Variants in EIF3M observed in about 807,000 individuals in gnomAD.
EIF3M encodes the protein eukaryotic translation initiation factor 3 subunit M.
Under a neutral mutation model 49.7 loss-of-function variants are expected in EIF3M, and 25 were observed. The ratio of observed to expected loss-of-function variants is 0.50; its 90% confidence interval spans 0.37 to 0.70. The LOEUF (loss-of-function observed/expected upper bound fraction) is 0.70. Among genes scored for constraint, EIF3M ranks in the 30% least tolerant of loss-of-function variants. The pLI is 0.00. For synonymous variants in EIF3M, 156 were observed against 149.8 expected (o/e 1.04, Z -0.30); for missense variants, 350 against 440.0 (o/e 0.80, Z 1.83).
In EIF3M at chr11:32,604,487, T is replaced by G. The variant is rs907720880; in HGVS notation, c.*2088T>G. 6.6e-6 allele frequency: 1 copy of G among 152,212 alleles called. No individual in the cohort carries two copies. The highest frequency in any genetic ancestry group is 2.4e-5 in the African/African-American group (1 of 41,446). 9.4% of individuals were successfully genotyped at this position (152,212 alleles called of 1,614,324 possible). A position where few individuals can be genotyped will look rare whatever the true frequency, so the allele number is the denominator to read the frequency against. On this transcript the variant is annotated 3_prime_UTR_variant, in exon 11 of 11. Transcript: ENST00000531120. ...AGAATTACATTAAAATCACCCAAGA[T>G]CCCAACCACCATTAAAGAGTTTGTG...
chr11:32,585,047 G>A (rs1053656513), intron 1 of EIF3M, among the ~76,000 whole-genome samples: 1 of 152,134 alleles, frequency 6.6e-6, no homozygotes, highest in African/African-American at 2.4e-5. Context: ...AAGTTTACTT[G>A]TCTAAGACAA....
chr11:32,602,515 A>C lies in EIF3M; in HGVS notation c.*116A>C. 8.1e-7 allele frequency: 1 copy of C among 1,227,462 alleles called. No homozygotes were observed. 76.0% of individuals were successfully genotyped at this position (1,227,462 alleles called of 1,614,324 possible). A position where few individuals can be genotyped will look rare whatever the true frequency, so the allele number is the denominator to read the frequency against. ...AGTTATTGTCTCAAATTTATACTAA[A>C]ATCACAAACTCCAGAGGATATGAAG... On this transcript the variant is annotated 3_prime_UTR_variant, in exon 11 of 11. Coordinates refer to ENST00000531120, the MANE Select transcript of EIF3M (RefSeq NM_006360.6).
At chr11:32,594,146 G>C in intron 6 of EIF3M, 197 bp downstream of exon 6, 1 of 376,266 alleles carries the variant, frequency 2.7e-6, no homozygotes, top group Admixed American at 4.6e-5. Flanking sequence ...TGAATATGAA[G>C]TAGCTGCATG....
chr11:32,602,964 C>T lies in EIF3M; in HGVS notation c.*565C>T, dbSNP rs1855294787. On this transcript the variant is annotated 3_prime_UTR_variant, in exon 11 of 11. Coordinates refer to ENST00000531120, the MANE Select transcript of EIF3M (RefSeq NM_006360.6). The stretch of plus-strand genomic sequence containing the variant: ...CATCACCAGAAGTATTTTTAGTCGT[C>T]TTGATTGCCTGCAAATGGCTTTGTA... 1 of 1,613,420 alleles carries T rather than the reference C, an allele frequency of 6.2e-7. No homozygotes were observed.
intron 1 of EIF3M, 63 bp downstream of exon 1, chr11:32,583,992 C>T (rs977510805): frequency 1.2e-6 from 2 of 1,600,708 alleles, no homozygotes; most frequent in Non-Finnish European, 1.7e-6. Flanking sequence ...GCGCAAGGGA[C>T]CGCTGCCGAG....
At chr11:32,593,325 TG>T (rs1467981138) in intron 5 of EIF3M, among the ~76,000 whole-genome samples, 1 of 152,252 alleles carries the variant, frequency 6.6e-6, no homozygotes, top group Non-Finnish European at 1.5e-5. Flanking sequence ...TGTATATAAC[TG>T]TAAGAATAAT....
chr11:32,600,831 C>T lies in EIF3M; in HGVS notation c.942C>T (p.Asp314=), dbSNP rs773821094. ...GADDVEAFVI[D]AVRTKMVYCK... is the part of the protein sequence containing the mutation. Reference sequence around the variant, plus strand: ...ATGATGTTGAAGCATTTGTTATTGACGGTAAGGCAGACAGAACATTTTCAT... The same window carrying T: ...ATGATGTTGAAGCATTTGTTATTGATGGTAAGGCAGACAGAACATTTTCAT... Residue 314 remains aspartate (D), a splice_region_variant and synonymous_variant, in exon 9 of 11, where the codon GAC becomes GAT. Transcript: ENST00000531120. The T allele has an allele frequency of 1.0e-5, 16 of 1,598,814 alleles. No individual in the cohort carries two copies. The highest frequency in any genetic ancestry group is 1.7e-5 in the Admixed American group (1 of 57,444).
intron 5 of EIF3M, among the ~76,000 whole-genome samples, chr11:32,590,714 G>C (rs562095474): frequency 2.6e-4 from 39 of 152,210 alleles, no homozygotes; most frequent in African/African-American, 9.4e-4. Flanking sequence ...TTCTTCTTTA[G>C]AACACATAAA....
In EIF3M at chr11:32,600,675, A is replaced by G. The variant is rs780809253; in HGVS notation, c.800-14A>G. On this transcript the variant is annotated splice_polypyrimidine_tract_variant and intron_variant, in intron 8 of 10. Transcript: ENST00000531120. The stretch of plus-strand genomic sequence containing the variant: ...GTATGAACACTCATCAGGCTTCACT[A>G]TTCTGTTTTCTAGGCCTGTTACATG... 38 of 1,598,854 alleles carry G rather than the reference A, an allele frequency of 2.4e-5. No individual in the cohort carries two copies. In the East Asian group the frequency reaches 7.0e-4, roughly 29 times the overall value.
intron 8 of EIF3M, among the ~76,000 whole-genome samples, chr11:32,597,348 A>C (rs1178644166): frequency 6.6e-6 from 1 of 151,672 alleles, no homozygotes; most frequent in East Asian, 1.9e-4. Context: ...CCCCCCTACT[A>C]TACTATTTTA....
intron 10 of EIF3M, 136 bp from the exon 11 acceptor site, chr11:32,602,143 A>C: frequency 7.8e-7 from 1 of 1,275,608 alleles, no homozygotes; most frequent in South Asian, 1.4e-5. Flanking sequence ...TAATTATGTA[A>C]TTCTTAAATT....
intron 5 of EIF3M, 43 bp downstream of exon 5, chr11:32,589,684 A>T (rs1855063957): frequency 2.6e-6 from 4 of 1,563,954 alleles, no homozygotes; most frequent in Middle Eastern, 3.9e-4. Flanking sequence ...AACAGACAGT[A>T]TAAGTAGGTG....
rs551688777 is a variant in EIF3M, at chr11:32,587,048, G to A, written c.79G>A (p.Ala27Thr). 42 of 1,612,640 alleles carry A rather than the reference G, an allele frequency of 2.6e-5. 1 individual carries two copies. In the South Asian group the frequency reaches 3.8e-4, roughly 15 times the overall value. ...TCGTGCTTATCTGAAATCTAAAGGA[G>A]CTGAGATTTCAGAAGAGAACTCGGA... ...ELRAYLKSKG[A>T]EISEENSEGG... is the part of the protein sequence containing the mutation. Residue 27 changes from alanine (A) to threonine (T), a missense_variant, in exon 2 of 11, where the codon GCT becomes ACT. Transcript: ENST00000531120.
intron 9 of EIF3M, 119 bp from the exon 10 acceptor site, chr11:32,601,643 A>G (rs1441736073): frequency 9.0e-6 from 8 of 886,274 alleles, no homozygotes; most frequent in African/African-American, 5.1e-5. Context: ...TAAACAGTGT[A>G]TAATGTTGGA....
chr11:32,596,183 C>A, intron 8 of EIF3M, 136 bp downstream of exon 8: 2 of 593,898 alleles, frequency 3.4e-6, no homozygotes, highest in East Asian at 3.1e-5. Context: ...TATGATAGAA[C>A]AGCACAAAAA....
At position 32,583,873 on chromosome 11, in the gene EIF3M, G is replaced by C. The variant is rs767007455; in HGVS notation, c.-15G>C. ...GTCTTGCGAGTGGAGTGTCCGCTGTGCCCGGGCCTGCACCATGAGCGTCCC... is the reference window on the plus strand; with the variant it reads ...GTCTTGCGAGTGGAGTGTCCGCTGTCCCCGGGCCTGCACCATGAGCGTCCC... On this transcript the variant is annotated 5_prime_UTR_variant, in exon 1 of 11. Coordinates refer to ENST00000531120, the MANE Select transcript of EIF3M (RefSeq NM_006360.6). The C allele has an allele frequency of 4.3e-6, 7 of 1,612,856 alleles. No homozygotes were observed. The highest frequency in any genetic ancestry group is 3.3e-4 in the Middle Eastern group (2 of 6,056).
intron 8 of EIF3M, 122 bp from the exon 9 acceptor site, chr11:32,600,567 T>C (rs1855244762): frequency 8.2e-7 from 1 of 1,216,314 alleles, no homozygotes; most frequent in East Asian, 2.8e-5. Flanking sequence ...ATATAAGTGC[T>C]CAAACAATAA....
chr11:32,586,812 G>T (rs1052550093), intron 1 of EIF3M, 200 bp from the exon 2 acceptor site: 20 of 512,326 alleles, frequency 3.9e-5, no homozygotes, highest in Non-Finnish European at 6.3e-5. Flanking sequence ...TGTGTCTAAG[G>T]AGCCACTGGA....
At chr11:32,596,463 C>T (rs1006892133) in intron 8 of EIF3M, among the ~76,000 whole-genome samples, 4 of 151,864 alleles carry the variant, frequency 2.6e-5, no homozygotes, top group African/African-American at 9.7e-5. Context: ...GGCGCGGTGG[C>T]GGGTGCCCGT....
Sources: gnomAD v4.1 joint callset for allele counts (sites outside exome capture counted in the v4.1 genomes callset) on GRCh38, gnomAD v4.1.1 for gene constraint, MANE v1.5 for transcripts, NCBI Gene and HGNC (gene_info 2026-07-23, HGNC 2026-07-21) for gene names.